The following EPS8L1 variants were observed in gnomAD, a reference collection of about 807,000 sequenced individuals.
EPS8L1 encodes the protein EPS8 signaling adaptor L1.
Under a neutral mutation model 91.7 loss-of-function variants are expected in EPS8L1, and 101 were observed. The ratio of observed to expected loss-of-function variants is 1.10; its 90% CI spans 0.94 to 1.30. The LOEUF is 1.30. Among genes scored for constraint, EPS8L1 ranks in the 50% most tolerant of loss-of-function variants. The pLI is 0.00. For missense variants in EPS8L1, 1,114 were observed against 1,017.0 expected (o/e 1.10, Z -1.30); for synonymous variants, 506 against 445.3 (o/e 1.14, Z -1.72).
intron 7 of EPS8L1, 127 bp downstream of exon 7, chr19:55,080,981 T>C: frequency 1.0e-6 from 1 of 967,488 alleles, no homozygotes; most frequent in South Asian, 1.7e-5. Context: ...AGTCGAGTCT[T>C]GTCTGTACCT....
intron 14 of EPS8L1, among the ~76,000 whole-genome samples, chr19:55,085,471 G>T (rs1400844258): frequency 2.6e-5 from 4 of 152,140 alleles, no homozygotes; most frequent in African/African-American, 9.7e-5. Flanking sequence ...GGCCTAGCTA[G>T]TGTTTTTATT....
Position 55,081,753 on chromosome 19 carries a change from C to T in EPS8L1, c.775-20C>T, listed in dbSNP as rs1431870508. On this transcript the variant is annotated intron_variant, in intron 8 of 19. Transcript: ENST00000201647. The surrounding 1 kb of genome is among the most constrained non-coding windows in gnomAD (Gnocchi z 4.9). ...TTTGGAACTCGGGAGCCCTGAGCGT[C>T]CCCCTCCTCTGTCCCCTAGGACATC... The T allele has an allele frequency of 4.4e-6, 7 of 1,588,612 alleles. No individual in the cohort carries two copies. Among genetic ancestry groups the T allele is most frequent in the Non-Finnish European group, 6.0e-6 (7 of 1,164,798 alleles).
chr19:55,080,989 C>A, intron 7 of EPS8L1, 135 bp downstream of exon 7: 1 of 942,766 alleles, frequency 1.1e-6, no homozygotes. Context: ...CTTGTCTGTA[C>A]CTCCCAGACG....
Position 55,083,454 on chromosome 19 carries a change from C to G in EPS8L1, c.1291C>G (p.Pro431Ala). 1 of 1,612,690 alleles carries G rather than the reference C, an allele frequency of 6.2e-7. No individual in the cohort carries two copies. Among genetic ancestry groups the G allele is most frequent in the Non-Finnish European group, 8.5e-7 (1 of 1,179,832 alleles). ...FSGWEPPVTD[P>A]QSRAWEDPVE... is the part of the protein sequence containing the mutation. ...CGGCTGGGAGCCGCCGGTCACTGAC[C>G]CGCAGAGCCGCGCCTGGGAGGACCC... The change falls in exon 13 of 20, where the codon CCG becomes GCG. Residue 431 changes from proline to alanine, a missense_variant. Transcript: ENST00000201647. The surrounding 1 kb of genome is among the most constrained non-coding windows in gnomAD (Gnocchi z 4.7).
chr19:55,079,966 GC>G (rs1874556051), intron 5 of EPS8L1, 115 bp downstream of exon 5: 53 of 1,451,404 alleles, frequency 3.7e-5, no homozygotes, highest in Non-Finnish European at 4.7e-5. Context: ...AGGGACCCCA[GC>G]CCCCTTCTTG....
chr19:55,082,056 C>A (rs756291222), intron 9 of EPS8L1, 36 bp from the exon 10 acceptor site: 1 of 1,559,012 alleles, frequency 6.4e-7, no homozygotes, highest in East Asian at 2.4e-5. Context: ...GTGCTGGCCC[C>A]GCGTCCCCAT....
Position 55,081,315 on chromosome 19 carries a change from G to C in EPS8L1, c.597G>C (p.Val199=), listed in dbSNP as rs1235097238. 7.7e-6 allele frequency: 12 copies of C among 1,557,044 alleles called. No individual in the cohort carries two copies. The highest frequency in any genetic ancestry group is 1.0e-5 in the Non-Finnish European group (12 of 1,157,388). The change falls in exon 8 of 20, where the codon GTG becomes GTC. Residue 199 remains valine (V), a synonymous_variant. Coordinates refer to ENST00000201647, the MANE Select transcript of EPS8L1 (RefSeq NM_133180.3). The surrounding 1 kb of genome is among the most constrained non-coding windows in gnomAD (Gnocchi z 4.9). ...PLQRRPSVRA[V]ISTVERGAGR... is the part of the protein sequence containing the mutation. ...AGCGCCGCCCGTCAGTCCGCGCAGTGATCAGCACCGTAGAGCGGGGCGCGG... is the reference window on the plus strand; with the variant it reads ...AGCGCCGCCCGTCAGTCCGCGCAGTCATCAGCACCGTAGAGCGGGGCGCGG...
In EPS8L1 at chr19:55,086,375, C is replaced by A. The variant is rs1171481819; in HGVS notation, c.1651-17C>A. On this transcript the variant is annotated splice_polypyrimidine_tract_variant and intron_variant, in intron 16 of 19. Coordinates refer to ENST00000201647, the MANE Select transcript of EPS8L1 (RefSeq NM_133180.3). ...GTCCTCTCCCTAACCCAGGTACTCT[C>A]CTCTCCTTCCTTTCAGAACAGCACT... The A allele has an allele frequency of 6.9e-6, 11 of 1,589,452 alleles. No homozygotes were observed. Among genetic ancestry groups the A allele is most frequent in the South Asian group, 1.1e-5 (1 of 88,052 alleles).
chr19:55,086,635 G>GCCC (rs397766751), intron 17 of EPS8L1, 79 bp from the exon 18 acceptor site: 48 of 1,307,890 alleles, frequency 3.7e-5, no homozygotes, highest in East Asian at 2.5e-4. Flanking sequence ...ACGCTGGAGC[G>GCCC]CCCCCCCGCC....
chr19:55,080,175 C>T lies in EPS8L1; in HGVS notation c.326C>T (p.Ala109Val). The change falls in exon 6 of 20, where the codon GCG becomes GTG. Residue 109 changes from alanine to valine, a missense_variant. By Grantham distance (64) the Ala-to-Val change is moderately conservative. Coordinates refer to ENST00000201647, the MANE Select transcript of EPS8L1 (RefSeq NM_133180.3). ...CTGGGCGCCATCGTGCGCTGTGACG[C>T]GGTGATGCCACCCGGCAGGAGCCGC... is the stretch of plus-strand genomic sequence containing the variant. ...YPLGAIVRCDAVMPPGRSRSL... is the reference protein window; with the variant it reads ...YPLGAIVRCDVVMPPGRSRSL... 6.5e-7 allele frequency: 1 copy of T among 1,532,738 alleles called. No individual in the cohort carries two copies. The highest frequency in any genetic ancestry group is 8.8e-7 in the Non-Finnish European group (1 of 1,133,780). 94.9% of individuals were successfully genotyped at this position (1,532,738 alleles called of 1,614,324 possible).
intron 17 of EPS8L1, 69 bp downstream of exon 17, chr19:55,086,587 C>G: frequency 6.5e-7 from 1 of 1,534,942 alleles, no homozygotes; most frequent in Admixed American, 2.0e-5. Flanking sequence ...GAAACGGGGG[C>G]TCAGAAAGAG....
chr19:55,083,571 C>T lies in EPS8L1; in HGVS notation c.1357-45C>T, dbSNP rs541652644. Reference sequence around the variant, plus strand: ...AGGCTGGGAAGTCCGGGGGCGCGGCCGGTCCGCCTGGCCCCGCCTGACCCG... The same window carrying T: ...AGGCTGGGAAGTCCGGGGGCGCGGCTGGTCCGCCTGGCCCCGCCTGACCCG... On this transcript the variant is annotated intron_variant, in intron 13 of 19. Coordinates refer to ENST00000201647, the MANE Select transcript of EPS8L1 (RefSeq NM_133180.3). The surrounding 1 kb of genome is among the most constrained non-coding windows in gnomAD (Gnocchi z 4.7). 11 of 1,595,048 alleles carry T rather than the reference C, an allele frequency of 6.9e-6. No individual in the cohort carries two copies. Among genetic ancestry groups the T allele is most frequent in the African/African-American group, 2.7e-5 (2 of 74,816 alleles).
intron 12 of EPS8L1, 135 bp downstream of exon 12, chr19:55,082,737 G>A: frequency 2.4e-6 from 2 of 840,338 alleles, no homozygotes; most frequent in Non-Finnish European, 3.6e-6. Flanking sequence ...AGTTGTGTTG[G>A]GGCGGGGCTT....
At position 55,086,123 on chromosome 19, in the gene EPS8L1, G is replaced by C. The variant is rs2076349744; in HGVS notation, c.1581G>C (p.Val527=). The C allele has an allele frequency of 6.2e-7, 1 of 1,607,528 alleles. No homozygotes were observed. Among genetic ancestry groups the C allele is most frequent in the African/African-American group, 1.3e-5 (1 of 74,936 alleles). ...VRDPAGQEGY[V]PYNILTPYPG... ...ACCCAGCGGGGCAGGAGGGATATGTGCCCTACAACATCCTGACACCCTACC... is the reference window on the plus strand; with the variant it reads ...ACCCAGCGGGGCAGGAGGGATATGTCCCCTACAACATCCTGACACCCTACC... The change falls in exon 16 of 20, where the codon GTG becomes GTC. Residue 527 remains valine (V), a synonymous_variant. Coordinates refer to ENST00000201647, the MANE Select transcript of EPS8L1 (RefSeq NM_133180.3).
In EPS8L1 at chr19:55,082,578, T is replaced by C; in HGVS notation, c.1190T>C (p.Leu397Pro). ...TPRENELWTS[L>P]GDSWTRPGLE... is the part of the protein sequence containing the mutation. Reference sequence around the variant, plus strand: ...CGTGAAAACGAGCTCTGGACCTCGCTGGGGGACTCGTGGACCCGCCCCGGG... The same window carrying C: ...CGTGAAAACGAGCTCTGGACCTCGCCGGGGGACTCGTGGACCCGCCCCGGG... Residue 397 changes from leucine to proline, a missense_variant, in exon 12 of 20, where the codon CTG (leucine) becomes CCG (proline). Physicochemically the swap from Leu to Pro is moderately conservative, Grantham distance 98. Transcript: ENST00000201647. 1.3e-6 allele frequency: 2 copies of C among 1,572,712 alleles called. No individual in the cohort carries two copies. Among genetic ancestry groups the C allele is most frequent in the Non-Finnish European group, 1.7e-6 (2 of 1,159,464 alleles).
intron 2 of EPS8L1, among the ~76,000 whole-genome samples, chr19:55,077,523 C>T (rs1192469249): frequency 6.6e-6 from 1 of 150,456 alleles, no homozygotes; most frequent in Non-Finnish European, 1.5e-5. Context: ...GAATCCCGGA[C>T]TATGCCATGG....
intron 18 of EPS8L1, 184 bp downstream of exon 18, chr19:55,087,072 C>T: frequency 9.5e-7 from 1 of 1,050,998 alleles, no homozygotes; most frequent in South Asian, 1.7e-5. Context: ...TTTTTTCAGA[C>T]TCCGACTGGA....
intron 3 of EPS8L1, 23 bp downstream of exon 3, chr19:55,078,151 C>T: frequency 6.2e-7 from 1 of 1,612,348 alleles, no homozygotes; most frequent in Non-Finnish European, 8.5e-7. Flanking sequence ...CAAGGGAGCC[C>T]CAGGCCCATA....
rs147989210 is a variant in EPS8L1 at position 55,085,928 on chromosome 19, C to T, written c.1473C>T (p.Ala491=). The T allele has an allele frequency of 1.4e-5, 23 of 1,613,504 alleles. No individual in the cohort carries two copies. Among genetic ancestry groups the T allele is most frequent in the Admixed American group, 6.7e-5 (4 of 59,948 alleles). ...KWVLCNYDFQ[A]RNSSELSVKQ... ...TCCTGTGTAATTATGACTTCCAGGC[C>T]CGCAACAGCAGTGAGCTGTCGGTCA... Residue 491 remains alanine, a synonymous_variant, in exon 15 of 20, where the codon GCC becomes GCT. Transcript: ENST00000201647.
Sources: gnomAD v4.1 joint callset for allele counts (sites outside exome capture counted in the v4.1 genomes callset) on GRCh38, gnomAD v4.1.1 for gene constraint, Gnocchi (gnomAD v3.1) non-coding constraint, MANE v1.5 for transcripts, NCBI Gene and HGNC (gene_info 2026-07-23, HGNC 2026-07-21) for gene names.